Variants in LGR5 observed in about 807,000 individuals in gnomAD.
The protein encoded by LGR5 is leucine rich repeat containing G protein-coupled receptor 5.
Under a neutral mutation model 76.7 loss-of-function variants are expected in LGR5, and 54 were observed. That is an observed-to-expected ratio of 0.70 (90% CI 0.57 to 0.88). The LOEUF is 0.88. LGR5 is among the 40% of genes least tolerant of loss of function. LGR5 has a pLI of 0.00. For synonymous variants in LGR5, 406 were observed against 421.9 expected (o/e 0.96, Z 0.46); for missense variants, 1,078 against 1,073.3 (o/e 1.00, Z -0.06).
chr12:71,479,288 CT>C (rs1384773587), intron 1 of LGR5, among the ~76,000 whole-genome samples: 2 of 152,146 alleles, frequency 1.3e-5, no homozygotes, highest in Admixed American at 1.3e-4. Flanking sequence ...CCTTAACCTG[CT>C]TGCTGTACTA....
chr12:71,499,715 C>T (rs1274168187), intron 1 of LGR5, among the ~76,000 whole-genome samples: 1 of 152,134 alleles, frequency 6.6e-6, no homozygotes, highest in African/African-American at 2.4e-5. Context: ...ATCCTGCTTG[C>T]TCTGTAGCTG....
At chr12:71,517,945 C>T (rs1011394727) in intron 2 of LGR5, among the ~76,000 whole-genome samples, 1 of 152,108 alleles carries the variant, frequency 6.6e-6, no homozygotes, top group Admixed American at 6.5e-5. Context: ...TCAGCTTGGA[C>T]TTTTCTTCCA....
At chr12:71,448,326 T>C (rs1293768359) in intron 1 of LGR5, 3 of 152,210 alleles carry the variant, frequency 2.0e-5, no homozygotes, top group African/African-American at 7.2e-5. Flanking sequence ...AAAAGTGTAC[T>C]TCTCAGGAAA....
rs370969422 is a variant in LGR5 at position 71,504,609 on chromosome 12, C to A, written c.213-5C>A. On this transcript the variant is annotated splice_region_variant and splice_polypyrimidine_tract_variant and intron_variant, in intron 1 of 17. Coordinates refer to ENST00000266674, the MANE Select transcript of LGR5 (RefSeq NM_003667.4). ...TCCTCACACGCTGTCTGTTTTCCCC[C>A]CCAGAGACCTCAGTATGAACAACAT... 2 of 1,613,742 alleles carry A rather than the reference C, an allele frequency of 1.2e-6. No individual in the cohort carries two copies. The highest frequency in any genetic ancestry group is 2.7e-5 in the African/African-American group (2 of 75,026).
intron 3 of LGR5, among the ~76,000 whole-genome samples, chr12:71,529,468 A>C (rs1255267364): frequency 6.6e-6 from 1 of 152,158 alleles, no homozygotes; most frequent in Admixed American, 6.6e-5. Flanking sequence ...ACCTCCCACC[A>C]GGTCCCTCCC....
chr12:71,530,419 G>T (rs1042536992), intron 3 of LGR5, among the ~76,000 whole-genome samples: 28 of 152,008 alleles, frequency 1.8e-4, no homozygotes, highest in Admixed American at 1.3e-4. Flanking sequence ...ATTTGTCTGG[G>T]GCCCTGACCT....
intron 13 of LGR5, among the ~76,000 whole-genome samples, chr12:71,573,649 T>C (rs1199234613): frequency 1.3e-5 from 2 of 152,242 alleles, no homozygotes; most frequent in African/African-American, 2.4e-5. Flanking sequence ...GTTTAAACTA[T>C]AGTACGTTTG....
intron 1 of LGR5, among the ~76,000 whole-genome samples, chr12:71,498,905 T>C (rs1284364677): frequency 2.0e-5 from 3 of 152,136 alleles, no homozygotes; most frequent in Non-Finnish European, 4.4e-5. Context: ...TGGTCATTGA[T>C]GAAGAGGTTC....
At chr12:71,502,377 T>C (rs1874649403) in intron 1 of LGR5, among the ~76,000 whole-genome samples, 1 of 152,016 alleles carries the variant, frequency 6.6e-6, no homozygotes, top group South Asian at 2.1e-4. Flanking sequence ...TTTGTATTTT[T>C]AGTAGAGATG....
intron 1 of LGR5, among the ~76,000 whole-genome samples, chr12:71,472,532 G>C (rs768476988): frequency 1.3e-5 from 2 of 152,198 alleles, no homozygotes; most frequent in African/African-American, 4.8e-5. Flanking sequence ...TGCCCCAATA[G>C]ATATAATAGG....
intron 1 of LGR5, among the ~76,000 whole-genome samples, chr12:71,463,684 C>T (rs1429853709): frequency 6.6e-6 from 1 of 152,118 alleles, no homozygotes; most frequent in Non-Finnish European, 1.5e-5. Flanking sequence ...GATAGTACTA[C>T]AGAAAATATT....
chr12:71,530,368 A>C (rs1280823), intron 3 of LGR5, among the ~76,000 whole-genome samples: 27,150 of 152,084 alleles, frequency 0.18, 2,920 homozygotes, highest in Admixed American at 0.28. Context: ...GAAATAACTA[A>C]TGGTATTGTG....
chr12:71,534,318 C>CT (rs1238056475), intron 3 of LGR5, among the ~76,000 whole-genome samples: 4 of 152,176 alleles, frequency 2.6e-5, no homozygotes. Flanking sequence ...CGTTTCCATT[C>CT]TGTAGTCCCC....
At chr12:71,552,480 G>A (rs188476109) in intron 4 of LGR5, among the ~76,000 whole-genome samples, 6 of 151,494 alleles carry the variant, frequency 4.0e-5, no homozygotes, top group Admixed American at 6.6e-5. Flanking sequence ...CAGGAAAATC[G>A]CTTGAACCCG....
chr12:71,442,336 T>C (rs1211907653), intron 1 of LGR5, among the ~76,000 whole-genome samples: 1 of 152,144 alleles, frequency 6.6e-6, no homozygotes, highest in East Asian at 1.9e-4. Flanking sequence ...TCCCTATCTA[T>C]CTATAGATAG....
At chr12:71,545,707 G>C (rs894989421) in intron 4 of LGR5, among the ~76,000 whole-genome samples, 4 of 151,386 alleles carry the variant, frequency 2.6e-5, no homozygotes, top group African/African-American at 9.7e-5. Context: ...ACTTCTTATA[G>C]TTAATGGCTC....
At chr12:71,454,869 A>T (rs1872401825) in intron 1 of LGR5, among the ~76,000 whole-genome samples, 1 of 151,982 alleles carries the variant, frequency 6.6e-6, no homozygotes, top group Non-Finnish European at 1.5e-5. Flanking sequence ...TTGTGGAAAT[A>T]CCCTCAAAAT....
At chr12:71,567,040 C>A in intron 11 of LGR5, 128 bp downstream of exon 11, 1 of 744,238 alleles carries the variant, frequency 1.3e-6, no homozygotes, top group Non-Finnish European at 2.4e-6. Flanking sequence ...TGCAGGAGGT[C>A]AAGCCTCCTT....
chr12:71,550,001 T>C (rs1468307422), intron 4 of LGR5, among the ~76,000 whole-genome samples: 3 of 152,104 alleles, frequency 2.0e-5, no homozygotes, highest in African/African-American at 7.2e-5. Flanking sequence ...TATATTAACG[T>C]TGGGAACTGA....
Sources: allele counts gnomAD v4.1 joint callset (sites outside exome capture counted in the v4.1 genomes callset), GRCh38; gene constraint gnomAD v4.1.1; transcripts MANE v1.5; gene names NCBI Gene and HGNC (gene_info 2026-07-23, HGNC 2026-07-21).